The following GSE1 variants were observed in gnomAD, a reference collection of about 807,000 sequenced individuals.
The protein encoded by GSE1 is genetic suppressor element 1.
A neutral mutation model predicts 112.6 loss-of-function variants in GSE1; 32 were observed. The ratio of observed to expected loss-of-function variants is 0.28; its 90% CI spans 0.21 to 0.38. The LOEUF (loss-of-function observed/expected upper bound fraction) is 0.38, where lower values mean the gene tolerates loss of function less well. Among genes scored for constraint, GSE1 ranks in the 10% least tolerant of loss-of-function variants. The pLI is 1.00. For synonymous variants in GSE1, 1,115 were observed against 735.6 expected, an observed-to-expected ratio of 1.52 and a Z score of -8.35; for missense variants, 2,348 against 1,699.2, an observed-to-expected ratio of 1.38 and a Z score of -6.71.
At chr16:85,389,077 C>G (rs2047772273) in intron 2 of GSE1, among the ~76,000 whole-genome samples, 1 of 152,202 alleles carries the variant, frequency 6.6e-6, no homozygotes, top group African/African-American at 2.4e-5. Context: ...CTCTGAGGCC[C>G]CCCAGCCAGG....
chr16:85,296,732 C>G (rs1039861028), intron 1 of GSE1, among the ~76,000 whole-genome samples: 15 of 152,262 alleles, frequency 9.9e-5, no homozygotes, highest in African/African-American at 3.6e-4. Flanking sequence ...CCGATTCTTT[C>G]AGAGCCTTGG....
At chr16:85,463,021 G>C in intron 2 of GSE1, 6 of 835,918 alleles carry the variant, frequency 7.2e-6, no homozygotes, top group Non-Finnish European at 8.7e-6. Context: ...CCTCCGCCGC[G>C]GGCCATGCTG....
intron 3 of GSE1, among the ~76,000 whole-genome samples, chr16:85,649,170 G>A (rs562302306): frequency 6.6e-6 from 1 of 152,064 alleles, no homozygotes; most frequent in Non-Finnish European, 1.5e-5. Flanking sequence ...CAGTCAGCTG[G>A]TTTAGCGCCC....
At chr16:85,418,297 C>A (rs1011492528) in intron 2 of GSE1, among the ~76,000 whole-genome samples, 1 of 152,226 alleles carries the variant, frequency 6.6e-6, no homozygotes. Context: ...AGAGGTGGGG[C>A]TGAAAGGTCC....
chr16:85,450,277 C>A (rs2049638732), intron 2 of GSE1, among the ~76,000 whole-genome samples: 1 of 151,532 alleles, frequency 6.6e-6, no homozygotes, highest in Non-Finnish European at 1.5e-5. Context: ...TGCCACCATG[C>A]CTGGCTAATT....
At chr16:85,369,995 C>A (rs2047261217) in intron 2 of GSE1, among the ~76,000 whole-genome samples, 1 of 152,148 alleles carries the variant, frequency 6.6e-6, no homozygotes, top group Admixed American at 6.5e-5. Context: ...ACGGAGCCCC[C>A]TTGAGAGGGT....
intron 1 of GSE1, among the ~76,000 whole-genome samples, chr16:85,595,975 T>C (rs560934039): frequency 3.7e-4 from 46 of 122,844 alleles, no homozygotes; most frequent in African/African-American, 1.4e-3. Flanking sequence ...CATTCCTCTA[T>C]CCACCCACTC....
At chr16:85,484,205 G>A (rs1191882838) in intron 2 of GSE1, among the ~76,000 whole-genome samples, 1 of 152,194 alleles carries the variant, frequency 6.6e-6, no homozygotes, top group Non-Finnish European at 1.5e-5. Context: ...TGAGCAAGAC[G>A]TGGCCAGGGG....
intron 1 of GSE1, among the ~76,000 whole-genome samples, chr16:85,344,557 C>T (rs964803569): frequency 2.0e-5 from 3 of 152,216 alleles, no homozygotes; most frequent in Middle Eastern, 3.2e-3. Flanking sequence ...GGCTGCTCCC[C>T]GTTTATCCTT....
intron 8 of GSE1, among the ~76,000 whole-genome samples, chr16:85,660,689 G>A (rs182731395): frequency 4.6e-5 from 7 of 151,876 alleles, no homozygotes; most frequent in Admixed American, 2.0e-4. Context: ...GGAGTGCAAT[G>A]GCACGGTCTC....
At chr16:85,309,551 A>G (rs1315999890) in intron 1 of GSE1, among the ~76,000 whole-genome samples, 8 of 152,202 alleles carry the variant, frequency 5.3e-5, no homozygotes, top group African/African-American at 1.7e-4. Flanking sequence ...TAATTTTGAG[A>G]TGATATGTTA....
chr16:85,478,481 C>G (rs181994380), intron 2 of GSE1, among the ~76,000 whole-genome samples: 1 of 146,154 alleles, frequency 6.8e-6, no homozygotes, highest in East Asian at 2.2e-4. Flanking sequence ...GAGCTGAGAT[C>G]GTGCCATTGC....
intron 2 of GSE1, among the ~76,000 whole-genome samples, chr16:85,387,995 GAT>G (rs1491411278): frequency 0.35 from 32,959 of 94,566 alleles, 4,267 homozygotes; most frequent in African/African-American, 0.39. Flanking sequence ...TGGGTGGGTG[GAT>G]GGATGGATGG....
chr16:85,521,084 A>G (rs80044626), intron 2 of GSE1, among the ~76,000 whole-genome samples: 5,353 of 151,868 alleles, frequency 0.035, 141 homozygotes, highest in Non-Finnish European at 0.057. Context: ...AGGGATCAAC[A>G]TGCTCATGCT....
At position 85,588,172 on chromosome 16, in the gene GSE1, G is replaced by T. The variant is rs116816505; in HGVS notation, c.37+31809G>T. Among the ~76,000 whole-genome samples, 288 of 152,268 alleles carry T rather than the reference G, an allele frequency of 1.9e-3. 3 individuals are homozygous for T. The highest frequency in any genetic ancestry group is 6.4e-3 in the African/African-American group (268 of 41,560). On this transcript the variant is annotated intron_variant, in intron 1 of 2. Transcript: ENST00000635906. Reference sequence around the variant, plus strand: ...CTCCCCAGCTGGCCTCTTGCATCTCGCTCGATTCCCCACCAGGAGGGCAGG... The same window carrying T: ...CTCCCCAGCTGGCCTCTTGCATCTCTCTCGATTCCCCACCAGGAGGGCAGG...
At chr16:85,543,635 A>G (rs2044600115) in intron 2 of GSE1, among the ~76,000 whole-genome samples, 1 of 152,188 alleles carries the variant, frequency 6.6e-6, no homozygotes, top group African/African-American at 2.4e-5. Context: ...AGACAGCTGG[A>G]AGACCAGAGC....
At chr16:85,248,389 T>C (rs1906096935) in intron 1 of GSE1, among the ~76,000 whole-genome samples, 1 of 152,192 alleles carries the variant, frequency 6.6e-6, no homozygotes, top group Middle Eastern at 3.4e-3. Flanking sequence ...TCCCCTTTTT[T>C]CCCTCTTCTT....
At chr16:85,589,613 GTA>G (rs2046883599) in intron 1 of GSE1, among the ~76,000 whole-genome samples, 1 of 152,210 alleles carries the variant, frequency 6.6e-6, no homozygotes, top group Admixed American at 6.5e-5. Flanking sequence ...GTGTGTGTGT[GTA>G]TGCGCATATG....
intron 2 of GSE1, among the ~76,000 whole-genome samples, chr16:85,498,102 C>T (rs2051241893): frequency 6.6e-6 from 1 of 152,060 alleles, no homozygotes; most frequent in South Asian, 2.1e-4. Flanking sequence ...TGGGCAGGGC[C>T]GTGCTGGCTG....
Sources: gnomAD v4.1 joint callset for allele counts (sites outside exome capture counted in the v4.1 genomes callset) on GRCh38, gnomAD v4.1.1 for gene constraint, MANE v1.5 for transcripts, NCBI Gene and HGNC (gene_info 2026-07-23, HGNC 2026-07-21) for gene names.